The following FRMD4A variants were observed in gnomAD, a reference collection of about 807,000 sequenced individuals.
FRMD4A encodes FERM domain containing 4A, also known as FERM domain-containing protein 4A.
FRMD4A carries 29 observed loss-of-function variants against 129.1 expected under a neutral mutation model. That is an observed-to-expected ratio of 0.22 (90% CI 0.17 to 0.31). The LOEUF (loss-of-function observed/expected upper bound fraction) is 0.31, where lower values mean the gene tolerates loss of function less well. FRMD4A is among the 10% of genes least tolerant of loss of function. The probability of loss-of-function intolerance (pLI) is 1.00; values close to 1 mark genes in which losing one functional copy is unlikely to be tolerated. For synonymous variants in FRMD4A, 634 were observed against 571.6 expected, an observed-to-expected ratio of 1.11 and a Z score of -1.56; for missense variants, 1,272 against 1,375.8, an observed-to-expected ratio of 0.92 and a Z score of 1.19.
Position 13,918,424 on chromosome 10 carries a change from C to CATTTATTTATTTATTT in FRMD4A, c.46-59528_46-59513dup, listed in dbSNP as rs35115927. Among the ~76,000 whole-genome samples, 6 of 152,058 alleles carry CATTTATTTATTTATTT rather than the reference C, an allele frequency of 3.9e-5. No individual in the cohort carries two copies. In the East Asian group the frequency reaches 5.8e-4, roughly 15 times the overall value. On this transcript the variant is annotated intron_variant, in intron 2 of 24. Coordinates refer to ENST00000357447, the MANE Select transcript of FRMD4A (RefSeq NM_018027.5). ...TTCAAAGCAGGATGTTAGAGTGGTT[C>CATTTATTTATTTATTT]ATTTATTTATTTATTTATTTATTCA...
chr10:13,789,704 A>G (rs1231254004), intron 5 of FRMD4A, among the ~76,000 whole-genome samples: 1 of 150,882 alleles, frequency 6.6e-6, no homozygotes, highest in African/African-American at 2.4e-5. Flanking sequence ...GCCTTATAGC[A>G]CTAAACAATG....
At chr10:14,028,979 G>T (rs185719894) in intron 2 of FRMD4A, among the ~76,000 whole-genome samples, 6 of 152,168 alleles carry the variant, frequency 3.9e-5, no homozygotes, top group East Asian at 1.9e-4. Flanking sequence ...TCAAAGCTTG[G>T]TGGCCACCTA....
intron 2 of FRMD4A, among the ~76,000 whole-genome samples, chr10:14,232,205 G>C (rs1473718384): frequency 2.5e-4 from 38 of 152,052 alleles, no homozygotes; most frequent in Non-Finnish European, 1.6e-4. Context: ...CCCATTTTTT[G>C]TTATCGTTGG....
chr10:13,875,073 A>C (rs779967282), intron 2 of FRMD4A, among the ~76,000 whole-genome samples: 3 of 152,220 alleles, frequency 2.0e-5, no homozygotes, highest in Non-Finnish European at 2.9e-5. Flanking sequence ...TGAGGTAAGA[A>C]GGGATGAAAT....
At chr10:13,764,515 AAAC>A (rs1410117479) in intron 6 of FRMD4A, among the ~76,000 whole-genome samples, 1 of 151,650 alleles carries the variant, frequency 6.6e-6, no homozygotes, top group Non-Finnish European at 1.5e-5. Flanking sequence ...ATAAACAAAC[AAAC>A]AAACAAACAA....
chr10:14,185,123 T>C (rs925838766), intron 2 of FRMD4A, among the ~76,000 whole-genome samples: 3 of 152,246 alleles, frequency 2.0e-5, no homozygotes, highest in African/African-American at 7.2e-5. Flanking sequence ...TGTCTGTGTC[T>C]GAACAGGTTT....
At chr10:14,149,690 C>T (rs952930308) in intron 2 of FRMD4A, among the ~76,000 whole-genome samples, 1 of 152,170 alleles carries the variant, frequency 6.6e-6, no homozygotes, top group African/African-American at 2.4e-5. Flanking sequence ...ATTTTAAACA[C>T]ATTGTTGATT....
Position 13,675,073 on chromosome 10 carries a change from C to T in FRMD4A, c.1118-29G>A, listed in dbSNP as rs750423006. The T allele has an allele frequency of 8.1e-6, 13 of 1,605,710 alleles. No homozygotes were observed. The South Asian group carries it at 1.3e-4, about 16-fold the overall frequency. ...TCGATAAACAGTGGGGTTACTTGGC[C>T]AGCTGACAGGGGACACACATCTGGA... is the stretch of plus-strand genomic sequence containing the variant. On this transcript the variant is annotated intron_variant, in intron 15 of 24. Transcript: ENST00000357447.
At chr10:14,050,256 A>G (rs1834195683) in intron 2 of FRMD4A, among the ~76,000 whole-genome samples, 2 of 152,230 alleles carry the variant, frequency 1.3e-5, no homozygotes, top group African/African-American at 4.8e-5. Context: ...TCCCTGTGCC[A>G]GGTGCTGCTG....
At chr10:14,217,038 G>T (rs12252909) in intron 2 of FRMD4A, among the ~76,000 whole-genome samples, 11,340 of 152,224 alleles carry the variant, frequency 0.074, 829 homozygotes, top group African/African-American at 0.18. Context: ...CACCGAACAG[G>T]GGGGCATGGC....
intron 2 of FRMD4A, among the ~76,000 whole-genome samples, chr10:14,118,125 CT>C (rs1392109732): frequency 6.6e-6 from 1 of 152,222 alleles, no homozygotes; most frequent in African/African-American, 2.4e-5. Flanking sequence ...AGAATTTAAA[CT>C]CCAAACCTCC....
In FRMD4A at chr10:13,886,000, C is replaced by T. The variant is rs979235014; in HGVS notation, c.46-27088G>A. Reference sequence around the variant, plus strand: ...GGGAGTCGGGAGATGGGCAAGCCAGCGCTAGACTCTCCGGCTATTGGTAGG... The same window carrying T: ...GGGAGTCGGGAGATGGGCAAGCCAGTGCTAGACTCTCCGGCTATTGGTAGG... On this transcript the variant is annotated intron_variant, in intron 2 of 24. Coordinates refer to ENST00000357447, the MANE Select transcript of FRMD4A (RefSeq NM_018027.5). Among the ~76,000 whole-genome samples the T allele has an allele frequency of 4.6e-5, 7 of 152,228 alleles. No individual in the cohort carries two copies. The East Asian group carries it at 7.7e-4, about 17-fold the overall frequency.
At chr10:13,958,989 A>G (rs2095428670) in intron 2 of FRMD4A, among the ~76,000 whole-genome samples, 1 of 152,202 alleles carries the variant, frequency 6.6e-6, no homozygotes, top group Non-Finnish European at 1.5e-5. Flanking sequence ...ATTACATTGG[A>G]CTAAGTTAAC....
At chr10:14,117,857 A>G (rs1411489705) in intron 2 of FRMD4A, among the ~76,000 whole-genome samples, 1 of 152,038 alleles carries the variant, frequency 6.6e-6, no homozygotes, top group Non-Finnish European at 1.5e-5. Flanking sequence ...GAAGAACTGA[A>G]TTGCAGCACA....
At chr10:14,184,302 T>A (rs561819608) in intron 2 of FRMD4A, among the ~76,000 whole-genome samples, 4 of 143,454 alleles carry the variant, frequency 2.8e-5, no homozygotes, top group African/African-American at 1.0e-4. Context: ...CGGTTAATTT[T>A]TTTTTTTTTT....
At chr10:14,102,555 A>T (rs1837364314) in intron 2 of FRMD4A, among the ~76,000 whole-genome samples, 1 of 152,210 alleles carries the variant, frequency 6.6e-6, no homozygotes, top group African/African-American at 2.4e-5. Context: ...CCGAGAACCA[A>T]GCCGACCTCC....
intron 2 of FRMD4A, among the ~76,000 whole-genome samples, chr10:14,141,777 G>A (rs892492850): frequency 7.9e-5 from 12 of 152,054 alleles, no homozygotes; most frequent in East Asian, 3.9e-4. Context: ...CTCACCATGC[G>A]GTCTTTCTGA....
intron 6 of FRMD4A, among the ~76,000 whole-genome samples, chr10:13,766,158 C>T (rs975453558): frequency 6.6e-6 from 1 of 152,192 alleles, no homozygotes; most frequent in Non-Finnish European, 1.5e-5. Context: ...ATTATGTGGT[C>T]CCAGGAGAGT....
intron 6 of FRMD4A, among the ~76,000 whole-genome samples, chr10:13,779,392 C>A (rs2092683103): frequency 6.6e-6 from 1 of 152,072 alleles, no homozygotes; most frequent in Admixed American, 6.5e-5. Context: ...TTACTGAGAT[C>A]ACAGGAATGG....
Sources: gnomAD v4.1 joint callset for allele counts (sites outside exome capture counted in the v4.1 genomes callset) on GRCh38, gnomAD v4.1.1 for gene constraint, MANE v1.5 for transcripts, NCBI Gene and HGNC (gene_info 2026-07-23, HGNC 2026-07-21) for gene names.